PLXND1: variants seen among roughly 807,000 people sequenced by gnomAD.
PLXND1 encodes plexin D1, also known as plexin-D1.
A neutral mutation model predicts 197.7 loss-of-function variants in PLXND1; 54 were observed. The ratio of observed to expected loss-of-function variants is 0.27; its 90% CI spans 0.22 to 0.34. PLXND1 has a LOEUF of 0.34. Among genes scored for constraint, PLXND1 ranks in the 10% least tolerant of loss-of-function variants. The pLI is 1.00. For synonymous variants in PLXND1, 1,180 were observed against 1,161.2 expected, an observed-to-expected ratio of 1.02 and a Z score of -0.33; for missense variants, 2,127 against 2,699.2, an observed-to-expected ratio of 0.79 and a Z score of 4.70.
At chr3:129,602,957 G>C (rs2085732147) in intron 1 of PLXND1, among the ~76,000 whole-genome samples, 1 of 152,178 alleles carries the variant, frequency 6.6e-6, no homozygotes, top group African/African-American at 2.4e-5. Flanking sequence ...GACAAAGTGG[G>C]ACTTGAACCC....
intron 22 of PLXND1, 124 bp downstream of exon 22, chr3:129,567,368 G>A (rs779912945): frequency 1.1e-5 from 7 of 650,188 alleles, no homozygotes; most frequent in Non-Finnish European, 1.7e-5. Flanking sequence ...GGCCAGGACG[G>A]CTGCGGACAG....
chr3:129,586,646 T>C lies in PLXND1; in HGVS notation c.1562A>G (p.His521Arg). ...GTCTGCTGGGTCAAACTGCATGACA[T>C]GGTGCACGGGCTCCCCATAGGCCAC... The part of the protein sequence containing the change: ...VTVAYGEPVH[H>R]VMQFDPADSG... The change falls in exon 3 of 36, where the codon CAT becomes CGT. Residue 521 changes from histidine (H) to arginine (R), a missense_variant. His to Arg is a conservative substitution (Grantham distance 29, BLOSUM62 0). Coordinates refer to ENST00000324093, the MANE Select transcript of PLXND1 (RefSeq NM_015103.3). 1 of 1,582,980 alleles carries C rather than the reference T, an allele frequency of 6.3e-7. No homozygotes were observed. Among genetic ancestry groups the C allele is most frequent in the Middle Eastern group, 1.7e-4 (1 of 6,022 alleles).
Position 129,574,486 on chromosome 3 carries a change from C to G in PLXND1, c.2535G>C (p.Met845Ile). Residue 845 changes from methionine (M) to isoleucine (I), a missense_variant, in exon 12 of 36, where the codon ATG becomes ATC. This residue lies in a region of PLXND1 where 1,095 missense variants were observed against 1,259.8 expected (regional missense o/e 0.87). Coordinates refer to ENST00000324093, the MANE Select transcript of PLXND1 (RefSeq NM_015103.3). ...FLDSPEPMTV[M>I]VYNCAMGSPD... ...GGCTGCCCATGGCACAGTTATAGAC[C>G]ATGACTGGGGAGACACGGGGCAGCT... The G allele has an allele frequency of 6.2e-7, 1 of 1,612,486 alleles. No individual in the cohort carries two copies. The highest frequency in any genetic ancestry group is 8.5e-7 in the Non-Finnish European group (1 of 1,179,564).
chr3:129,593,890 C>G (rs2085582648), intron 1 of PLXND1, among the ~76,000 whole-genome samples: 1 of 152,244 alleles, frequency 6.6e-6, no homozygotes. Flanking sequence ...GCCCCCTCCC[C>G]CTCCAGCTGG....
At chr3:129,591,884 C>T (rs771766051) in intron 1 of PLXND1, among the ~76,000 whole-genome samples, 29 of 152,116 alleles carry the variant, frequency 1.9e-4, no homozygotes, top group Non-Finnish European at 2.8e-4. Context: ...AGGTCTCCCC[C>T]GATTCAAGCC....
Position 129,556,070 on chromosome 3 carries a change from A to G in PLXND1, c.*242T>C, listed in dbSNP as rs2084968321. 2.0e-6 allele frequency: 1 copy of G among 504,082 alleles called. No homozygotes were observed. The highest frequency in any genetic ancestry group is 3.6e-6 in the Non-Finnish European group (1 of 277,916). The allele number at this position is 504,082 out of a possible 1,614,324, so 31.2% of individuals were successfully genotyped here. A position where few individuals can be genotyped will look rare whatever the true frequency, so the allele number is the denominator to read the frequency against. ...CGTGCTGGGCAGATGGGGGAGCCTG[A>G]CCAGCTCTCTGGCCTCCATCCCAGA... On this transcript the variant is annotated 3_prime_UTR_variant, in exon 36 of 36. Coordinates refer to ENST00000324093, the MANE Select transcript of PLXND1 (RefSeq NM_015103.3).
In PLXND1 at chr3:129,565,761, C is replaced by T. The variant is rs139378619; in HGVS notation, c.4322+126G>A. 6.6e-4 allele frequency: 717 copies of T among 1,090,302 alleles called. 4 individuals carry two copies. Among genetic ancestry groups the T allele is most frequent in the African/African-American group, 6.0e-3 (384 of 63,948 alleles). The allele number at this position is 1,090,302 out of a possible 1,614,324, so 67.5% of individuals were successfully genotyped here. A position where few individuals can be genotyped will look rare whatever the true frequency, so the allele number is the denominator to read the frequency against. ...CCGTGAGCCAAGGTCTTGGGCATCC[C>T]GGCCCAGGAAGGGCTGGAATATGGG... On this transcript the variant is annotated intron_variant, in intron 24 of 35. Coordinates refer to ENST00000324093, the MANE Select transcript of PLXND1 (RefSeq NM_015103.3).
intron 19 of PLXND1, among the ~76,000 whole-genome samples, chr3:129,570,403 G>A (rs924707002): frequency 1.3e-5 from 2 of 151,400 alleles, no homozygotes; most frequent in African/African-American, 4.8e-5. Flanking sequence ...CGCTGCTTGG[G>A]AGAGAGTGAG....
At position 129,571,662 on chromosome 3, in the gene PLXND1, G is replaced by A. The variant is rs766749496; in HGVS notation, c.3245+15C>T. 6.2e-7 allele frequency: 1 copy of A among 1,613,920 alleles called. No individual in the cohort carries two copies. The highest frequency in any genetic ancestry group is 8.5e-7 in the Non-Finnish European group (1 of 1,179,916). On this transcript the variant is annotated intron_variant, in intron 16 of 35. Transcript: ENST00000324093. ...CCCCAGAGAGCCTGGGGGAAGGGCG[G>A]GGTGCCAGTCTCACCTGACAGGGCT...
chr3:129,567,928 T>G, intron 20 of PLXND1, 123 bp from the exon 21 acceptor site: 3 of 247,438 alleles, frequency 1.2e-5, no homozygotes, highest in Non-Finnish European at 8.0e-6. Flanking sequence ...GGCCCTGCAG[T>G]CCTCCCTCCT....
chr3:129,557,206 C>T lies in PLXND1; in HGVS notation c.5463G>A (p.Lys1821=), dbSNP rs753682953. The change falls in exon 34 of 36, where the codon AAG becomes AAA. Residue 1821 remains lysine (K), a synonymous_variant. Transcript: ENST00000324093. This position sits in a 1 kb window ranked among gnomAD's most constrained non-coding sequence, Gnocchi z 4.8. The part of the protein sequence containing the change: ...LQLGKDSPTN[K]LLYAKEIPEY... ...CAGGAATCTCCTTGGCGTAGAGGAGCTTGTTGGTTGGCGAATCCTGGGCAG... is the reference window on the plus strand; with the variant it reads ...CAGGAATCTCCTTGGCGTAGAGGAGTTTGTTGGTTGGCGAATCCTGGGCAG... 1.1e-5 allele frequency: 17 copies of T among 1,613,998 alleles called. No individual in the cohort carries two copies. The highest frequency in any genetic ancestry group is 1.4e-5 in the Non-Finnish European group (17 of 1,180,036).
At chr3:129,603,312 C>A (rs1576286071) in intron 1 of PLXND1, among the ~76,000 whole-genome samples, 1 of 152,208 alleles carries the variant, frequency 6.6e-6, no homozygotes, top group African/African-American at 2.4e-5. Flanking sequence ...CCCCCCTCAG[C>A]TGGGTGAGTC....
At position 129,571,825 on chromosome 3, in the gene PLXND1, C is replaced by T. The variant is rs1026421973; in HGVS notation, c.3097G>A (p.Ala1033Thr). Residue 1033 changes from alanine to threonine, a missense_variant, in exon 16 of 36, where the codon GCC becomes ACC. Transcript: ENST00000324093. ...TELMRTDTSIACTMPEGALPA... is the reference protein window; with the variant it reads ...TELMRTDTSITCTMPEGALPA... ...AGGGCCCCCTCAGGCATGGTGCAGG[C>T]GATGCTGGTATCTGTGCGCCTGGGG... 13 of 1,612,484 alleles carry T rather than the reference C, an allele frequency of 8.1e-6. No individual in the cohort carries two copies. Among genetic ancestry groups the T allele is most frequent in the Middle Eastern group, 1.6e-4 (1 of 6,066 alleles).
In PLXND1 at chr3:129,606,008, G is replaced by T; in HGVS notation, c.632C>A (p.Ala211Asp). The stretch of plus-strand genomic sequence containing the variant: ...GGAGCTGCCGTAACCGGTGTACGTG[G>T]CGCCCACGAGCAGGCGGCTGCCCCC... ...GAGGSRLLVG[A>D]TYTGYGSSFF... Residue 211 changes from alanine to aspartate, a missense_variant, in exon 1 of 36, where the codon GCC (alanine) becomes GAC (aspartate). Around this residue, in one of 6 missense-constraint regions of PLXND1, gnomAD observed 1,095 missense variants for 1,259.8 expected, o/e 0.87. Transcript: ENST00000324093. 1 of 1,608,528 alleles carries T rather than the reference G, an allele frequency of 6.2e-7. No individual in the cohort carries two copies. The highest frequency in any genetic ancestry group is 1.1e-5 in the South Asian group (1 of 90,876).
chr3:129,586,569 GC>G lies in PLXND1; in HGVS notation c.1620+18del. On this transcript the variant is annotated intron_variant, in intron 3 of 35. Transcript: ENST00000324093. ...TCGGCTGGTGCTGGGATGGCGTTGGGCTGGGGCTCTGGCCTCACCTGGTGGG... is the reference window on the plus strand; with the variant it reads ...TCGGCTGGTGCTGGGATGGCGTTGGGTGGGGCTCTGGCCTCACCTGGTGGG... The G allele has an allele frequency of 6.4e-7, 1 of 1,561,314 alleles. No individual in the cohort carries two copies. Among genetic ancestry groups the G allele is most frequent in the Non-Finnish European group, 8.7e-7 (1 of 1,151,878 alleles).
chr3:129,588,057 G>T (rs940443858), intron 2 of PLXND1, among the ~76,000 whole-genome samples: 6 of 152,364 alleles, frequency 3.9e-5, no homozygotes, highest in African/African-American at 1.4e-4. Flanking sequence ...GTGCCCCAGG[G>T]CCTGTGCTGG....
intron 1 of PLXND1, among the ~76,000 whole-genome samples, chr3:129,597,298 G>A (rs1318472215): frequency 6.6e-6 from 1 of 152,128 alleles, no homozygotes; most frequent in South Asian, 2.1e-4. Context: ...GAAATCAGCC[G>A]CTTGGAGCTG....
At chr3:129,596,969 G>A (rs565295606) in intron 1 of PLXND1, among the ~76,000 whole-genome samples, 2 of 152,356 alleles carry the variant, frequency 1.3e-5, no homozygotes, top group Admixed American at 6.5e-5. Context: ...CAGAGGCCCA[G>A]CCCCAGGATG....
Position 129,572,879 on chromosome 3 carries a change from G to A in PLXND1, c.2900C>T (p.Ser967Phe). 6.2e-7 allele frequency: 1 copy of A among 1,613,934 alleles called. No homozygotes were observed. Among genetic ancestry groups the A allele is most frequent in the Non-Finnish European group, 8.5e-7 (1 of 1,179,932 alleles). Residue 967 changes from serine to phenylalanine, a missense_variant, in exon 14 of 36, where the codon TCT becomes TTT. This residue lies in a region of PLXND1 where 1,095 missense variants were observed against 1,259.8 expected (regional missense o/e 0.87). Transcript: ENST00000324093. ...GCGGTCCCGGGACTTGCCCTCCTTA[G>A]AGGCGTTCACGGTCACCACACCTGA... is the stretch of plus-strand genomic sequence containing the variant. ...PLSGVVTVNA[S>F]KEGKSRDRFS...
Sources: allele counts gnomAD v4.1 joint callset (sites outside exome capture counted in the v4.1 genomes callset), GRCh38; gene constraint gnomAD v4.1.1; regional missense constraint gnomAD v4.1.1; non-coding constraint Gnocchi (gnomAD v3.1); transcripts MANE v1.5; gene names NCBI Gene and HGNC (gene_info 2026-07-23, HGNC 2026-07-21).